The following CNBD1 variants were observed in gnomAD, a reference collection of about 807,000 sequenced individuals.
CNBD1 encodes cyclic nucleotide binding domain containing 1.
A neutral mutation model predicts 54.4 loss-of-function variants in CNBD1; 71 were observed. The ratio of observed to expected loss-of-function variants is 1.30; its 90% CI spans 1.08 to 1.59. The LOEUF is 1.59. CNBD1 is among the 40% of genes most tolerant of loss of function. The pLI is 0.00. For synonymous variants in CNBD1, 182 were observed against 170.7 expected, an observed-to-expected ratio of 1.07 and a Z score of -0.51; for missense variants, 659 against 518.0, an observed-to-expected ratio of 1.27 and a Z score of -2.64.
At chr8:87,112,263 C>T (rs147125459) in intron 4 of CNBD1, among the ~76,000 whole-genome samples, 3 of 152,228 alleles carry the variant, frequency 2.0e-5, no homozygotes, top group South Asian at 2.1e-4. Context: ...ATTGCCAGGG[C>T]GTTCAATTTT....
intron 10 of CNBD1, among the ~76,000 whole-genome samples, chr8:87,365,905 G>T (rs1005298382): frequency 6.6e-6 from 1 of 151,952 alleles, no homozygotes; most frequent in South Asian, 2.1e-4. Context: ...GTTCAAGTTG[G>T]AGAAGTTCTT....
chr8:87,055,339 A>C (rs1810390862), intron 4 of CNBD1, among the ~76,000 whole-genome samples: 1 of 152,088 alleles, frequency 6.6e-6, no homozygotes, highest in Non-Finnish European at 1.5e-5. Context: ...CTGTCTGTAC[A>C]ACTCCCCCTA....
chr8:87,241,393 C>T (rs912786846), intron 6 of CNBD1, among the ~76,000 whole-genome samples: 2 of 151,270 alleles, frequency 1.3e-5, no homozygotes, highest in Non-Finnish European at 2.9e-5. Context: ...GCTTCAGCCT[C>T]CCCAGTAGCT....
intron 4 of CNBD1, among the ~76,000 whole-genome samples, chr8:87,119,345 G>T (rs1422231609): frequency 2.0e-5 from 3 of 150,614 alleles, no homozygotes; most frequent in Admixed American, 6.6e-5. Context: ...GGTAGTTATT[G>T]TAAGTGGGAT....
intron 2 of CNBD1, among the ~76,000 whole-genome samples, chr8:87,394,532 G>A (rs192713881): frequency 2.1e-4 from 32 of 151,968 alleles, no homozygotes; most frequent in Admixed American, 1.5e-3. Context: ...AGAATAAGTG[G>A]TGAGAAAGGT....
chr8:87,316,493 T>C (rs1214460683), intron 8 of CNBD1, among the ~76,000 whole-genome samples: 1 of 152,032 alleles, frequency 6.6e-6, no homozygotes, highest in Non-Finnish European at 1.5e-5. Flanking sequence ...AGGACTGATT[T>C]AACCAAACCT....
intron 4 of CNBD1, among the ~76,000 whole-genome samples, chr8:87,202,626 T>C (rs1813887305): frequency 6.6e-6 from 1 of 152,184 alleles, no homozygotes. Context: ...AATGGCTGTC[T>C]GACTGTTGAG....
rs566682277 is a variant in CNBD1, at chr8:87,182,015, G to T, written c.432-23978G>T. On this transcript the variant is annotated intron_variant, in intron 4 of 10. Transcript: ENST00000518476. The surrounding 1 kb of genome is among the most constrained non-coding windows in gnomAD (Gnocchi z 4.1). ...CACCCAGGTAGTGAGCATAGTATCT[G>T]ATAGGTAGTTTTTTGACCTTCACCC... Among the ~76,000 whole-genome samples, 10 of 152,222 alleles carry T rather than the reference G, an allele frequency of 6.6e-5. No homozygotes were observed. In the South Asian group the frequency reaches 2.1e-3, roughly 32 times the overall value.
chr8:87,186,424 A>G (rs992043939), intron 4 of CNBD1, among the ~76,000 whole-genome samples: 2 of 152,128 alleles, frequency 1.3e-5, no homozygotes, highest in Admixed American at 6.5e-5. Context: ...TCCTGAATTT[A>G]CAACCATCAT....
chr8:87,355,681 G>A (rs1342782455), intron 10 of CNBD1, among the ~76,000 whole-genome samples: 1 of 152,074 alleles, frequency 6.6e-6, no homozygotes, highest in Admixed American at 6.6e-5. Flanking sequence ...CATTACCATG[G>A]GTGAGAGGTA....
chr8:86,887,911 A>T (rs1808705403), intron 2 of CNBD1, among the ~76,000 whole-genome samples: 1 of 152,192 alleles, frequency 6.6e-6, no homozygotes. Flanking sequence ...AAACACACAT[A>T]CTGAATGAAA....
chr8:87,087,131 A>T (rs1255642970), intron 4 of CNBD1, among the ~76,000 whole-genome samples: 1 of 149,792 alleles, frequency 6.7e-6, no homozygotes, highest in Admixed American at 6.7e-5. Context: ...CAACTTCCTG[A>T]GAATGAAACA....
chr8:87,380,627 A>G (rs1811054797), intron 10 of CNBD1, among the ~76,000 whole-genome samples: 1 of 152,034 alleles, frequency 6.6e-6, no homozygotes, highest in South Asian at 2.1e-4. Context: ...CATTTTAACA[A>G]TATTGTCTTC....
chr8:86,962,290 G>T (rs1391896895), intron 4 of CNBD1, among the ~76,000 whole-genome samples: 1 of 152,100 alleles, frequency 6.6e-6, no homozygotes, highest in Non-Finnish European at 1.5e-5. Context: ...AGACATACAG[G>T]CCTTTTAAAT....
At chr8:87,172,758 T>A (rs371513883) in intron 4 of CNBD1, among the ~76,000 whole-genome samples, 1 of 152,098 alleles carries the variant, frequency 6.6e-6, no homozygotes, top group Non-Finnish European at 1.5e-5. Flanking sequence ...TCAGTCTGTG[T>A]GTATCTTTAT....
At chr8:87,281,070 G>A (rs1808589746) in intron 6 of CNBD1, among the ~76,000 whole-genome samples, 1 of 151,422 alleles carries the variant, frequency 6.6e-6, no homozygotes, top group African/African-American at 2.4e-5. Flanking sequence ...AGAAAATACA[G>A]AATATAAAGT....
At chr8:87,058,288 C>T (rs1249563646) in intron 4 of CNBD1, among the ~76,000 whole-genome samples, 1 of 152,196 alleles carries the variant, frequency 6.6e-6, no homozygotes, top group African/African-American at 2.4e-5. Context: ...GCTTTCACAG[C>T]TGGTGTTGAG....
chr8:87,092,667 A>G (rs1158189383), intron 4 of CNBD1, among the ~76,000 whole-genome samples: 1 of 151,736 alleles, frequency 6.6e-6, no homozygotes, highest in Admixed American at 6.6e-5. Flanking sequence ...ACTGCTAAAT[A>G]TTGGTACTTT....
intron 4 of CNBD1, among the ~76,000 whole-genome samples, chr8:87,020,566 G>A (rs1809464936): frequency 6.6e-6 from 1 of 152,014 alleles, no homozygotes; most frequent in Admixed American, 6.6e-5. Flanking sequence ...GGGGTCTATG[G>A]AGTCATGTCC....
Sources: allele counts gnomAD v4.1 joint callset (sites outside exome capture counted in the v4.1 genomes callset), GRCh38; gene constraint gnomAD v4.1.1; non-coding constraint Gnocchi (gnomAD v3.1); transcripts MANE v1.5; gene names NCBI Gene and HGNC (gene_info 2026-07-23, HGNC 2026-07-21).